Variants in LRRC1 observed in about 807,000 individuals in gnomAD.
LRRC1 encodes leucine-rich repeat-containing protein 1.
LRRC1 carries 28 observed loss-of-function variants against 69.9 expected under a neutral mutation model. The ratio of observed to expected loss-of-function variants is 0.40; its 90% CI spans 0.30 to 0.55. The LOEUF is 0.55. LRRC1 is among the 20% of genes least tolerant of loss of function. The probability of loss-of-function intolerance (pLI) is 0.47; values close to 1 mark genes in which losing one functional copy is unlikely to be tolerated. For missense variants in LRRC1, 498 were observed against 609.0 expected (o/e 0.82, Z 1.92); for synonymous variants, 236 against 240.2 (o/e 0.98, Z 0.16).
chr6:53,903,987 T>C (rs761689530), intron 9 of LRRC1, among the ~76,000 whole-genome samples: 9 of 152,216 alleles, frequency 5.9e-5, no homozygotes, highest in Non-Finnish European at 1.0e-4. Context: ...GCTGATTCCC[T>C]GCCCCAGTGC....
intron 4 of LRRC1, among the ~76,000 whole-genome samples, chr6:53,893,087 G>GT (rs998155142): frequency 6.6e-6 from 1 of 152,186 alleles, no homozygotes; most frequent in Admixed American, 6.5e-5. Flanking sequence ...GCAGCATCTT[G>GT]TAGCAATCTT....
At chr6:53,797,133 G>A (rs1764324486) in intron 1 of LRRC1, among the ~76,000 whole-genome samples, 1 of 151,644 alleles carries the variant, frequency 6.6e-6, no homozygotes, top group Admixed American at 6.6e-5. Flanking sequence ...TAATGTTGGG[G>A]AATTCAGCTT....
At chr6:53,875,637 T>G (rs973231450) in intron 2 of LRRC1, among the ~76,000 whole-genome samples, 2 of 152,208 alleles carry the variant, frequency 1.3e-5, no homozygotes, top group African/African-American at 4.8e-5. Context: ...TACCTGGTAC[T>G]GATACCACCA....
chr6:53,907,736 T>G (rs796730691), intron 10 of LRRC1, among the ~76,000 whole-genome samples: 2 of 127,758 alleles, frequency 1.6e-5, no homozygotes, highest in East Asian at 4.3e-4. Context: ...TCTAAATTCA[T>G]TTTTTTTTTT....
intron 2 of LRRC1, among the ~76,000 whole-genome samples, chr6:53,856,185 A>G (rs977156535): frequency 2.0e-5 from 3 of 152,260 alleles, no homozygotes; most frequent in African/African-American, 7.2e-5. Context: ...TGTATGCTTC[A>G]TTGTGATAAG....
intron 1 of LRRC1, among the ~76,000 whole-genome samples, chr6:53,823,066 G>T (rs927363904): frequency 2.6e-5 from 4 of 152,172 alleles, no homozygotes; most frequent in Non-Finnish European, 4.4e-5. Flanking sequence ...AAATTCTCCA[G>T]GTCCCTTGAT....
At chr6:53,872,176 T>C (rs1045983005) in intron 2 of LRRC1, among the ~76,000 whole-genome samples, 2 of 152,210 alleles carry the variant, frequency 1.3e-5, no homozygotes, top group Non-Finnish European at 2.9e-5. Flanking sequence ...GGATATCCGG[T>C]TTTTCCAGCG....
chr6:53,795,443 C>T lies in LRRC1; in HGVS notation c.159+28C>T, dbSNP rs779227099. The T allele has an allele frequency of 5.6e-6, 9 of 1,593,710 alleles. No homozygotes were observed. In the Admixed American group the frequency reaches 6.9e-5, roughly 12 times the overall value. On this transcript the variant is annotated intron_variant, in intron 1 of 13. Transcript: ENST00000370888. ...AAGGGTCCGGCCTCACCTGAGCGCT[C>T]TGCCCGCTCGTCTGCTGTCCCTTCC...
intron 2 of LRRC1, among the ~76,000 whole-genome samples, chr6:53,856,091 TAAACTC>T (rs1766299826): frequency 6.6e-6 from 1 of 152,218 alleles, no homozygotes; most frequent in African/African-American, 2.4e-5. Flanking sequence ...TTGTAAGAGA[TAAACTC>T]AAAGAAATGT....
intron 2 of LRRC1, among the ~76,000 whole-genome samples, chr6:53,877,414 A>G (rs1290966950): frequency 6.6e-6 from 1 of 152,166 alleles, no homozygotes; most frequent in Non-Finnish European, 1.5e-5. Context: ...CTCGTTACTT[A>G]TGCAAGTTTC....
chr6:53,887,993 C>T (rs1767544723), intron 4 of LRRC1, among the ~76,000 whole-genome samples: 1 of 152,162 alleles, frequency 6.6e-6, no homozygotes, highest in Non-Finnish European at 1.5e-5. Context: ...TTTTACTTTA[C>T]TATCACTAAA....
chr6:53,897,479 T>G (rs1017311358), intron 7 of LRRC1, 120 bp downstream of exon 7: 2 of 654,944 alleles, frequency 3.1e-6, no homozygotes, highest in Non-Finnish European at 5.0e-6. Context: ...AAACATTGAT[T>G]GAAAAGGCAC....
intron 2 of LRRC1, among the ~76,000 whole-genome samples, chr6:53,875,701 A>G (rs1767043213): frequency 6.6e-6 from 1 of 152,232 alleles, no homozygotes; most frequent in Non-Finnish European, 1.5e-5. Flanking sequence ...GAATGCCATC[A>G]GTGCTTTTGA....
chr6:53,840,662 A>G (rs1423643369), intron 1 of LRRC1, among the ~76,000 whole-genome samples: 1 of 151,356 alleles, frequency 6.6e-6, no homozygotes, highest in Non-Finnish European at 1.5e-5. Context: ...TGAGGACTCT[A>G]TTAACTTTAT....
At chr6:53,804,956 T>A (rs1037060142) in intron 1 of LRRC1, among the ~76,000 whole-genome samples, 3 of 152,288 alleles carry the variant, frequency 2.0e-5, no homozygotes, top group Non-Finnish European at 4.4e-5. Context: ...GGCTACACAT[T>A]CCCGATTCTT....
At chr6:53,864,953 C>T (rs1289251577) in intron 2 of LRRC1, among the ~76,000 whole-genome samples, 2 of 152,198 alleles carry the variant, frequency 1.3e-5, no homozygotes, top group Non-Finnish European at 2.9e-5. Context: ...AAATATTGTG[C>T]TTAAAAAATA....
At chr6:53,803,588 A>ATG (rs150574296) in intron 1 of LRRC1, among the ~76,000 whole-genome samples, 28,607 of 150,258 alleles carry the variant, frequency 0.19, 2,854 homozygotes, top group Middle Eastern at 0.32. Flanking sequence ...GTGTGTGTGT[A>ATG]TGTGTGTGTG....
At chr6:53,885,837 T>C (rs1767456769) in intron 4 of LRRC1, among the ~76,000 whole-genome samples, 1 of 152,158 alleles carries the variant, frequency 6.6e-6, no homozygotes, top group South Asian at 2.1e-4. Context: ...TATGGTCAGT[T>C]AATTTGAAGA....
chr6:53,894,893 G>T (rs1273772364), intron 4 of LRRC1, among the ~76,000 whole-genome samples: 1 of 151,344 alleles, frequency 6.6e-6, no homozygotes, highest in African/African-American at 2.4e-5. Flanking sequence ...AAGAACGTTG[G>T]TGTTAATTTC....
Sources: gnomAD v4.1 joint callset for allele counts (sites outside exome capture counted in the v4.1 genomes callset) on GRCh38, gnomAD v4.1.1 for gene constraint, MANE v1.5 for transcripts, NCBI Gene and HGNC (gene_info 2026-07-23, HGNC 2026-07-21) for gene names.